Variants in DIAPH2 observed in about 807,000 individuals in gnomAD.
The protein encoded by DIAPH2 is diaphanous related formin 2, also known as protein diaphanous homolog 2.
A neutral mutation model predicts 92.7 loss-of-function variants in DIAPH2; 35 were observed. The observed-to-expected ratio is 0.38, with a 90% CI of 0.29 to 0.50. DIAPH2 has a LOEUF of 0.50. Ranked by LOEUF, DIAPH2 falls within the 20% of genes least tolerant of loss-of-function variation. DIAPH2 has a pLI of 0.94. For missense variants in DIAPH2, 701 were observed against 819.5 expected (o/e 0.86, Z 1.77); for synonymous variants, 301 against 280.4 (o/e 1.07, Z -0.73).
At chrX:97,549,428 T>C (rs1478023931) in intron 26 of DIAPH2, among the ~76,000 whole-genome samples, 2 of 111,875 alleles carry the variant, frequency 1.8e-5, no homozygotes, top group Non-Finnish European at 3.8e-5. Flanking sequence ...TCCCCAAATA[T>C]TAATGTTTTA....
chrX:96,843,527 T>C (rs756338462), intron 4 of DIAPH2, among the ~76,000 whole-genome samples: 2 of 111,408 alleles, frequency 1.8e-5, no homozygotes, highest in South Asian at 7.7e-4. Flanking sequence ...GCCAGCATCA[T>C]TGCTAGCATA....
chrX:96,897,693 TA>T (rs1210120907), intron 5 of DIAPH2, among the ~76,000 whole-genome samples: 1 of 110,611 alleles, frequency 9.0e-6, no homozygotes, highest in African/African-American at 3.3e-5. Context: ...GTTAAACAAT[TA>T]AAAAAAATTT....
intron 26 of DIAPH2, among the ~76,000 whole-genome samples, chrX:97,593,465 A>C (rs904293080): frequency 9.0e-6 from 1 of 110,551 alleles, no homozygotes; most frequent in Non-Finnish European, 1.9e-5. Context: ...TAGATAATTT[A>C]AATAGTTACA....
At chrX:97,418,480 C>T (rs2069972430) in intron 25 of DIAPH2, among the ~76,000 whole-genome samples, 1 of 112,012 alleles carries the variant, frequency 8.9e-6, no homozygotes, top group African/African-American at 3.2e-5. Context: ...AAGCCGCTTC[C>T]ATACCATACT....
chrX:96,970,147 A>G (rs1326559175), intron 17 of DIAPH2, among the ~76,000 whole-genome samples: 1 of 111,373 alleles, frequency 9.0e-6, no homozygotes, highest in African/African-American at 3.3e-5. Context: ...TTTTGTGTCT[A>G]TGTTCATTAG....
chrX:97,422,230 A>G (rs753280655), intron 25 of DIAPH2, among the ~76,000 whole-genome samples: 256 of 110,906 alleles, frequency 2.3e-3, no homozygotes, highest in Non-Finnish European at 4.2e-3. Flanking sequence ...GTGCACATGT[A>G]TGTGCACTAG....
At chrX:97,535,789 C>T (rs2071091415) in intron 26 of DIAPH2, among the ~76,000 whole-genome samples, 1 of 112,061 alleles carries the variant, frequency 8.9e-6, no homozygotes, top group South Asian at 3.7e-4. Flanking sequence ...ATAGATCATG[C>T]CCAAGGTCAC....
chrX:97,589,030 A>T (rs1455415596), intron 26 of DIAPH2, among the ~76,000 whole-genome samples: 3 of 11,652 alleles, frequency 2.6e-4, no homozygotes, highest in Non-Finnish European at 8.1e-4. Flanking sequence ...TATATATAAA[A>T]GAATCAGATG....
chrX:96,789,479 G>A (rs907428546), intron 4 of DIAPH2, among the ~76,000 whole-genome samples: 1 of 112,190 alleles, frequency 8.9e-6, no homozygotes, highest in African/African-American at 3.2e-5. Flanking sequence ...TTGCATGCAA[G>A]CCTTTCTATA....
At chrX:96,987,601 GT>G (rs752489937) in intron 17 of DIAPH2, among the ~76,000 whole-genome samples, 1 of 111,148 alleles carries the variant, frequency 9.0e-6, no homozygotes, top group African/African-American at 3.3e-5. Flanking sequence ...TCCAAATTTT[GT>G]TTTGTTGTTA....
At chrX:97,039,728 A>G (rs1363325975) in intron 17 of DIAPH2, among the ~76,000 whole-genome samples, 1 of 111,353 alleles carries the variant, frequency 9.0e-6, no homozygotes, top group Non-Finnish European at 1.9e-5. Flanking sequence ...GCTCACTCTC[A>G]TCGTACATCT....
chrX:96,708,878 G>A (rs1410482085), intron 1 of DIAPH2, among the ~76,000 whole-genome samples: 1 of 111,415 alleles, frequency 9.0e-6, no homozygotes, highest in Non-Finnish European at 1.9e-5. Flanking sequence ...CTATTTTTCA[G>A]AAGTTCTCTT....
At chrX:97,583,020 T>A (rs1216741850) in intron 26 of DIAPH2, among the ~76,000 whole-genome samples, 1 of 112,156 alleles carries the variant, frequency 8.9e-6, no homozygotes, top group Non-Finnish European at 1.9e-5. Context: ...GGTCTTCAGC[T>A]CCATCAGCTC....
chrX:97,220,367 GAAAAA>G (rs763951265), intron 22 of DIAPH2, among the ~76,000 whole-genome samples: 1 of 76,068 alleles, frequency 1.3e-5, no homozygotes, highest in Non-Finnish European at 2.6e-5. Flanking sequence ...ACAAGTTTTA[GAAAAA>G]AAAAAAAAAG....
intron 23 of DIAPH2, among the ~76,000 whole-genome samples, chrX:97,300,797 T>C (rs1164629998): frequency 1.0e-5 from 1 of 97,745 alleles, no homozygotes; most frequent in Non-Finnish European, 2.1e-5. Context: ...CCGGGCATGG[T>C]GGCGGGCGCC....
At chrX:97,483,443 G>A (rs1363607416) in intron 26 of DIAPH2, among the ~76,000 whole-genome samples, 1 of 111,368 alleles carries the variant, frequency 9.0e-6, no homozygotes, top group East Asian at 2.8e-4. Flanking sequence ...TGAATTCACT[G>A]CCTGACCTCT....
chrX:96,848,303 A>C (rs1191211240), intron 4 of DIAPH2, among the ~76,000 whole-genome samples: 7 of 111,980 alleles, frequency 6.3e-5, no homozygotes, highest in Non-Finnish European at 1.3e-4. Flanking sequence ...GGCCTCCCAA[A>C]GTGCTGGGAT....
intron 9 of DIAPH2, among the ~76,000 whole-genome samples, chrX:96,923,208 AC>A (rs1334293679): frequency 2.7e-5 from 3 of 112,367 alleles, no homozygotes; most frequent in African/African-American, 9.7e-5. Context: ...CCATGTTTTT[AC>A]AATATTTCAA....
chrX:97,449,727 A>C, intron 26 of DIAPH2: 1 of 707,861 alleles, frequency 1.4e-6, no homozygotes, highest in Non-Finnish European at 1.7e-6. Context: ...AGCCAAAGGG[A>C]CAAAGAGTGG....
Sources: gnomAD v4.1 joint callset for allele counts (sites outside exome capture counted in the v4.1 genomes callset) on GRCh38, gnomAD v4.1.1 for gene constraint, MANE v1.5 for transcripts, NCBI Gene and HGNC (gene_info 2026-07-23, HGNC 2026-07-21) for gene names.